TM4SF4: variants seen among roughly 807,000 people sequenced by gnomAD.
TM4SF4 encodes the protein transmembrane 4 L six family member 4.
TM4SF4 carries 24 observed loss-of-function variants against 24.1 expected under a neutral mutation model. The ratio of observed to expected loss-of-function variants is 1.00; its 90% confidence interval spans 0.72 to 1.40. The LOEUF is 1.40. Ranked by LOEUF, TM4SF4 falls within the 40% of genes most tolerant of loss-of-function variation. TM4SF4 has a pLI of 0.00. For missense variants in TM4SF4, 254 were observed against 254.2 expected, an observed-to-expected ratio of 1.00 and a Z score of 0.01; for synonymous variants, 113 against 97.0, an observed-to-expected ratio of 1.17 and a Z score of -0.97.
intron 4 of TM4SF4, among the ~76,000 whole-genome samples, chr3:149,501,354 CCT>C (rs1560034672): frequency 6.6e-6 from 1 of 152,166 alleles, no homozygotes; most frequent in Non-Finnish European, 1.5e-5. Context: ...CTTCATCTCT[CCT>C]CTCTGTCTCT....
At chr3:149,490,990 T>C (rs2107872435) in intron 3 of TM4SF4, among the ~76,000 whole-genome samples, 1 of 152,212 alleles carries the variant, frequency 6.6e-6, no homozygotes, top group East Asian at 1.9e-4. Flanking sequence ...CTTTTCCTTC[T>C]TTTTCTTCCC....
At chr3:149,490,381 G>GT (rs1350434574) in intron 3 of TM4SF4, among the ~76,000 whole-genome samples, 3 of 152,204 alleles carry the variant, frequency 2.0e-5, no homozygotes, top group Non-Finnish European at 4.4e-5. Context: ...ATTGCTTGGT[G>GT]TTTTCAGTTA....
chr3:149,498,477 A>G (rs1404026989), intron 3 of TM4SF4, among the ~76,000 whole-genome samples: 4 of 152,158 alleles, frequency 2.6e-5, no homozygotes, highest in African/African-American at 9.7e-5. Flanking sequence ...GAGAACCCAG[A>G]GGTTTCTTTG....
chr3:149,476,927 A>G (rs556901470), intron 2 of TM4SF4, among the ~76,000 whole-genome samples: 1 of 150,474 alleles, frequency 6.6e-6, no homozygotes, highest in South Asian at 2.1e-4. Context: ...CAGCCTTCCA[A>G]GTAGCTGGGA....
rs898682048 is a variant in TM4SF4, at chr3:149,503,213, T to G, written c.*520T>G. 5.9e-5 allele frequency: 9 copies of G among 152,414 alleles called. No homozygotes were observed. The highest frequency in any genetic ancestry group is 2.2e-4 in the African/African-American group (9 of 41,452). 9.4% of individuals were successfully genotyped at this position (152,414 alleles called of 1,614,324 possible). A position where few individuals can be genotyped will look rare whatever the true frequency, so the allele number is the denominator to read the frequency against. The stretch of plus-strand genomic sequence containing the variant: ...GCTTGAGTTGCTTGTGACTGATCTT[T>G]TGAGGCTGTCATCATGGCTAGGGTT... On this transcript the variant is annotated 3_prime_UTR_variant, in exon 5 of 5. Transcript: ENST00000305354.
intron 4 of TM4SF4, among the ~76,000 whole-genome samples, chr3:149,501,144 G>A (rs1387534694): frequency 6.6e-6 from 1 of 152,066 alleles, no homozygotes; most frequent in Non-Finnish European, 1.5e-5. Flanking sequence ...ATTCATAGGT[G>A]TCAGCACGTT....
chr3:149,492,745 T>C (rs1466006831), intron 3 of TM4SF4, among the ~76,000 whole-genome samples: 2 of 152,144 alleles, frequency 1.3e-5, no homozygotes, highest in Admixed American at 6.5e-5. Context: ...AGTTAAATGT[T>C]CTGCCTTGAC....
intron 3 of TM4SF4, among the ~76,000 whole-genome samples, chr3:149,488,152 A>G (rs910550966): frequency 6.6e-6 from 1 of 152,224 alleles, no homozygotes; most frequent in African/African-American, 2.4e-5. Flanking sequence ...ACTGGGCCCA[A>G]GGGCTTTCAT....
intron 2 of TM4SF4, among the ~76,000 whole-genome samples, chr3:149,477,295 T>C (rs142354159): frequency 2.0e-4 from 31 of 152,272 alleles, no homozygotes; most frequent in African/African-American, 7.2e-4. Flanking sequence ...TATTAAGAGT[T>C]AGATATATTG....
At chr3:149,488,382 C>T (rs1734156699) in intron 3 of TM4SF4, among the ~76,000 whole-genome samples, 1 of 152,150 alleles carries the variant, frequency 6.6e-6, no homozygotes, top group Admixed American at 6.6e-5. Flanking sequence ...TGTGCCAAGG[C>T]AGGCTTAATA....
Position 149,498,703 on chromosome 3 carries a change from T to C in TM4SF4, c.402-19T>C. 6.2e-7 allele frequency: 1 copy of C among 1,611,670 alleles called. No homozygotes were observed. The highest frequency in any genetic ancestry group is 8.5e-7 in the Non-Finnish European group (1 of 1,177,894). On this transcript the variant is annotated intron_variant, in intron 3 of 4. Coordinates refer to ENST00000305354, the MANE Select transcript of TM4SF4 (RefSeq NM_004617.4). ...ACACTTTTTACAAATGTTTCCTTTG[T>C]CCCCTATATCACCAACAGGGATTAT...
rs1734452297 is a variant in TM4SF4, at chr3:149,502,760, C to G, written c.*67C>G. ...ACAATTTCTTTTCATAAAACTTCTT[C>G]TCTTCTTGGAATTATTAATTCCTAT... On this transcript the variant is annotated 3_prime_UTR_variant, in exon 5 of 5. Coordinates refer to ENST00000305354, the MANE Select transcript of TM4SF4 (RefSeq NM_004617.4). 2 of 1,207,770 alleles carry G rather than the reference C, an allele frequency of 1.7e-6. No individual in the cohort carries two copies. The highest frequency in any genetic ancestry group is 2.4e-6 in the Non-Finnish European group (2 of 820,246). 74.8% of individuals were successfully genotyped at this position (1,207,770 alleles called of 1,614,324 possible).
chr3:149,489,099 G>A (rs534430422), intron 3 of TM4SF4, among the ~76,000 whole-genome samples: 200 of 152,234 alleles, frequency 1.3e-3, no homozygotes, highest in African/African-American at 4.6e-3. Context: ...CTTGTGCAGC[G>A]GTTTCCAAAT....
intron 1 of TM4SF4, 129 bp downstream of exon 1, chr3:149,475,180 G>A (rs1387921624): frequency 3.0e-6 from 3 of 995,124 alleles, no homozygotes; most frequent in African/African-American, 1.6e-5. Flanking sequence ...CATGGTGAGA[G>A]GTCAATGCCT....
intron 1 of TM4SF4, 36 bp downstream of exon 1, chr3:149,475,087 T>A (rs770469037): frequency 5.1e-6 from 8 of 1,581,748 alleles, no homozygotes; most frequent in Non-Finnish European, 2.6e-6. Context: ...CTAAGGGAGA[T>A]TTTCCCTTCC....
intron 2 of TM4SF4, among the ~76,000 whole-genome samples, chr3:149,476,743 A>G (rs759789331): frequency 3.0e-4 from 45 of 151,848 alleles, no homozygotes; most frequent in Admixed American, 1.6e-3. Context: ...CAATCTATCA[A>G]GAAAAAGATC....
chr3:149,487,381 A>G (rs1734136635), intron 2 of TM4SF4, among the ~76,000 whole-genome samples: 2 of 152,214 alleles, frequency 1.3e-5, no homozygotes, highest in African/African-American at 4.8e-5. Flanking sequence ...AGGTAACAGA[A>G]CCAACACCTC....
At position 149,478,466 on chromosome 3, in the gene TM4SF4, G is replaced by A. The variant is rs113359177; in HGVS notation, c.264+2554G>A. On this transcript the variant is annotated intron_variant, in intron 2 of 4. Transcript: ENST00000305354. The stretch of plus-strand genomic sequence containing the variant: ...GGCCGGAAAAAAAATGTTTTTATAA[G>A]CACATTTCATTAAAAAAAATTTTGA... Among the ~76,000 whole-genome samples, 1,000 of 152,226 alleles carry A rather than the reference G, an allele frequency of 6.6e-3. 7 individuals carry two copies. Among genetic ancestry groups the A allele is most frequent in the African/African-American group, 0.022 (911 of 41,540 alleles).
At chr3:149,480,144 C>T (rs1289648219) in intron 2 of TM4SF4, among the ~76,000 whole-genome samples, 4 of 152,032 alleles carry the variant, frequency 2.6e-5, no homozygotes, top group East Asian at 1.9e-4. Flanking sequence ...GTAAGAACCC[C>T]GGCCTGGGTT....
Sources: gnomAD v4.1 joint callset for allele counts (sites outside exome capture counted in the v4.1 genomes callset) on GRCh38, gnomAD v4.1.1 for gene constraint, MANE v1.5 for transcripts, NCBI Gene and HGNC (gene_info 2026-07-23, HGNC 2026-07-21) for gene names.